EFCAB5: variants seen among roughly 807,000 people sequenced by gnomAD.
EFCAB5 encodes EF-hand calcium-binding domain-containing protein 5.
Under a neutral mutation model 167.9 loss-of-function variants are expected in EFCAB5, and 131 were observed. The observed-to-expected ratio is 0.78, with a 90% CI of 0.68 to 0.90. EFCAB5 has a LOEUF of 0.90. Among genes scored for constraint, EFCAB5 ranks in the 40% least tolerant of loss-of-function variants. The pLI is 0.00. For synonymous variants in EFCAB5, 574 were observed against 602.8 expected (o/e 0.95, Z 0.70); for missense variants, 1,663 against 1,745.2 (o/e 0.95, Z 0.84).
intron 16 of EFCAB5, among the ~76,000 whole-genome samples, chr17:30,080,550 GT>G (rs5819877): frequency 0.53 from 78,904 of 147,772 alleles, 21,003 homozygotes; most frequent in African/African-American, 0.6. Context: ...ATCCAAGCTT[GT>G]TTTTTTTTTT....
chr17:30,081,456 T>C (rs2070987488), intron 17 of EFCAB5, among the ~76,000 whole-genome samples: 1 of 152,210 alleles, frequency 6.6e-6, no homozygotes, highest in African/African-American at 2.4e-5. Flanking sequence ...GGCCTAAATG[T>C]TTCTTGGGTA....
Position 29,933,473 on chromosome 17 carries a change from A to G in EFCAB5, c.-127+4144A>G, listed in dbSNP as rs143526729. 6.4e-3 allele frequency among the ~76,000 whole-genome samples: 975 copies of G among 152,324 alleles called. 5 individuals are homozygous for G. The highest frequency in any genetic ancestry group is 0.022 in the African/African-American group (935 of 41,576). Reference sequence around the variant, plus strand: ...TGAGAGAGGAGATATCTTCTAATAGAGTGAAGAGCCTAGGATCCTCTTACT... The same window carrying G: ...TGAGAGAGGAGATATCTTCTAATAGGGTGAAGAGCCTAGGATCCTCTTACT... On this transcript the variant is annotated intron_variant, in intron 1 of 3. Transcript: ENST00000448319.
intron 7 of EFCAB5, among the ~76,000 whole-genome samples, chr17:30,033,453 T>C (rs899136415): frequency 6.6e-6 from 1 of 152,176 alleles, no homozygotes; most frequent in African/African-American, 2.4e-5. Context: ...CAGGATACCT[T>C]CTATCTCTTA....
chr17:30,033,812 A>G (rs762301503), intron 7 of EFCAB5, among the ~76,000 whole-genome samples: 1 of 152,238 alleles, frequency 6.6e-6, no homozygotes, highest in Non-Finnish European at 1.5e-5. Flanking sequence ...CTTACACTCC[A>G]GTAATTAAAT....
Position 30,082,892 on chromosome 17 carries a change from G to C in EFCAB5, c.3428G>C (p.Gly1143Ala). The change falls in exon 18 of 23, where the codon GGT becomes GCT. Residue 1143 changes from glycine (G) to alanine (A), a missense_variant and splice_region_variant. Gly to Ala is a moderately conservative substitution (Grantham distance 60, BLOSUM62 0). Coordinates refer to ENST00000394835, the MANE Select transcript of EFCAB5 (RefSeq NM_198529.4). ...FLPHEIRFYQ[G>A]VANVFSTAYH... ...TATTTGAATTTTCTGTCTCTACAGG[G>C]TGTTGCTAATGTCTTTAGCACTGCC... 1.2e-6 allele frequency: 2 copies of C among 1,612,108 alleles called. No homozygotes were observed. The highest frequency in any genetic ancestry group is 2.2e-5 in the South Asian group (2 of 90,778).
At chr17:30,091,090 T>A (rs779732727) in intron 20 of EFCAB5, among the ~76,000 whole-genome samples, 4 of 152,220 alleles carry the variant, frequency 2.6e-5, no homozygotes, top group Non-Finnish European at 4.4e-5. Context: ...GGGCTGGATT[T>A]GAACCTAGAT....
At chr17:30,081,305 G>A (rs1312687635) in intron 17 of EFCAB5, among the ~76,000 whole-genome samples, 1 of 152,128 alleles carries the variant, frequency 6.6e-6, no homozygotes, top group Non-Finnish European at 1.5e-5. Context: ...ACTTTTAGAA[G>A]GGACGTATTT....
At chr17:30,094,931 T>C (rs2071268351) in intron 22 of EFCAB5, among the ~76,000 whole-genome samples, 1 of 152,188 alleles carries the variant, frequency 6.6e-6, no homozygotes, top group South Asian at 2.1e-4. Context: ...TAGCCTACTA[T>C]TCTCTGTCAC....
At chr17:29,936,126 A>G (rs1439198608) in intron 1 of EFCAB5, among the ~76,000 whole-genome samples, 1 of 152,244 alleles carries the variant, frequency 6.6e-6, no homozygotes. Flanking sequence ...CTATGCAGCC[A>G]TAAAAAAGGA....
In EFCAB5 at chr17:30,080,923, C is replaced by T. The variant is rs185973844; in HGVS notation, c.3368C>T (p.Thr1123Ile). Residue 1123 changes from threonine (T) to isoleucine (I), a missense_variant, in exon 17 of 23, where the codon ACC becomes ATC. Transcript: ENST00000394835. ...MRIFGVLAVD[T>I]LRDPHEINIF... ...ATCTTTGGGGTCTTGGCTGTTGATA[C>T]CCTTAGAGATCCCCACGAAATAAAC... 9 of 1,613,588 alleles carry T rather than the reference C, an allele frequency of 5.6e-6. No individual in the cohort carries two copies. The highest frequency in any genetic ancestry group is 5.0e-5 in the Admixed American group (3 of 60,016).
In EFCAB5 at chr17:30,079,829, CTTTTCTGGTAAACCAGTCCAGTTGGCAT is replaced by C. The variant is rs1016106960; in HGVS notation, c.3028-242_3028-215del. 1.1e-4 allele frequency among the ~76,000 whole-genome samples: 16 copies of C among 152,218 alleles called. No homozygotes were observed. The East Asian group carries it at 3.1e-3, about 29-fold the overall frequency. On this transcript the variant is annotated intron_variant, in intron 15 of 22. Coordinates refer to ENST00000394835, the MANE Select transcript of EFCAB5 (RefSeq NM_198529.4). ...TTGAGAGTTTTTTGGTTTTGTTTTT[CTTTTCTGGTAAACCAGTCCAGTTGGCAT>C]AGAAGAAACCCGTTATACCCACTGA...
At chr17:30,049,661 A>G (rs2151770109) in intron 8 of EFCAB5, among the ~76,000 whole-genome samples, 1 of 152,374 alleles carries the variant, frequency 6.6e-6, no homozygotes, top group African/African-American at 2.4e-5. Flanking sequence ...GCAAATTAAA[A>G]TAATGATACC....
upstream of EFCAB5, among the ~76,000 whole-genome samples, chr17:29,938,211 A>T (rs1218131232): frequency 6.6e-6 from 1 of 152,250 alleles, no homozygotes; most frequent in African/African-American, 2.4e-5. Context: ...TTGGTTTCCC[A>T]ATGCATATAT....
At chr17:30,087,727 T>C (rs149921434) in intron 19 of EFCAB5, among the ~76,000 whole-genome samples, 2 of 152,364 alleles carry the variant, frequency 1.3e-5, no homozygotes, top group East Asian at 3.9e-4. Flanking sequence ...ATGTCTTTGC[T>C]ACTGTGAATA....
At chr17:29,965,105 G>T (rs1349746100) in intron 3 of EFCAB5, among the ~76,000 whole-genome samples, 1 of 151,426 alleles carries the variant, frequency 6.6e-6, no homozygotes, top group Admixed American at 6.6e-5. Context: ...GGGTTTCATC[G>T]TGTTATCCAG....
intron 22 of EFCAB5, among the ~76,000 whole-genome samples, chr17:30,097,418 G>GC (rs1218029539): frequency 6.6e-6 from 1 of 152,172 alleles, no homozygotes; most frequent in Non-Finnish European, 1.5e-5. Flanking sequence ...AGAGTCACTA[G>GC]CCCATATCTT....
intron 7 of EFCAB5, among the ~76,000 whole-genome samples, chr17:30,011,440 T>C (rs1480984143): frequency 1.3e-5 from 2 of 152,242 alleles, no homozygotes; most frequent in Admixed American, 6.5e-5. Context: ...TCCATGAGCA[T>C]GGAATGTTCT....
intron 16 of EFCAB5, among the ~76,000 whole-genome samples, chr17:30,080,550 G>GTTTT (rs5819877): frequency 4.7e-5 from 7 of 147,736 alleles, no homozygotes. Flanking sequence ...ATCCAAGCTT[G>GTTTT]TTTTTTTTTT....
intron 19 of EFCAB5, among the ~76,000 whole-genome samples, chr17:30,088,090 T>C (rs902177988): frequency 6.6e-6 from 1 of 152,202 alleles, no homozygotes; most frequent in African/African-American, 2.4e-5. Context: ...TGCAGAATGT[T>C]GTCTGCCTGG....
Sources: allele counts gnomAD v4.1 joint callset (sites outside exome capture counted in the v4.1 genomes callset), GRCh38; gene constraint gnomAD v4.1.1; transcripts MANE v1.5; gene names NCBI Gene and HGNC (gene_info 2026-07-23, HGNC 2026-07-21).